Variants in DYM observed in about 807,000 individuals in gnomAD.
DYM encodes dymeclin.
DYM carries 78 observed loss-of-function variants against 93.1 expected under a neutral mutation model. The ratio of observed to expected loss-of-function variants is 0.84; its 90% CI spans 0.70 to 1.01. The LOEUF (loss-of-function observed/expected upper bound fraction) is 1.01, where lower values mean the gene tolerates loss of function less well. Ranked by LOEUF, DYM falls within the 50% of genes least tolerant of loss-of-function variation. The pLI, the probability that DYM is intolerant of heterozygous loss-of-function variation, is 0.00. For missense variants in DYM, 789 were observed against 845.0 expected (o/e 0.93, Z 0.82); for synonymous variants, 321 against 319.7 (o/e 1.00, Z -0.04).
chr18:49,379,742 T>C lies in DYM; in HGVS notation c.210A>G (p.Arg70=). 6.2e-7 allele frequency: 1 copy of C among 1,613,198 alleles called. No individual in the cohort carries two copies. Among genetic ancestry groups the C allele is most frequent in the Non-Finnish European group, 8.5e-7 (1 of 1,179,374 alleles). ...VCRSLVENNP[R]TGNLGALIKV... ...TAATTAGTGCACCAAGATTTCCTGT[T>C]CGAGGATTGTTTTCAACTGCAAGAG... Residue 70 remains arginine, a synonymous_variant, in exon 4 of 18, where the codon CGA becomes CGG. Coordinates refer to ENST00000675505, the MANE Select transcript of DYM (RefSeq NM_001353214.3).
intron 2 of DYM, among the ~76,000 whole-genome samples, chr18:49,399,928 A>ATTTTTTTTTTT (rs1258036704): frequency 1.1e-5 from 1 of 94,246 alleles, no homozygotes; most frequent in African/African-American, 4.0e-5. Flanking sequence ...ATTTATTTTT[A>ATTTTTTTTTTT]TTTTTCTTTT....
intron 8 of DYM, among the ~76,000 whole-genome samples, chr18:49,303,449 C>G (rs896745311): frequency 5.3e-5 from 8 of 152,156 alleles, no homozygotes; most frequent in African/African-American, 1.9e-4. Context: ...CTAGGGAACT[C>G]CAGGAGAGCT....
intron 8 of DYM, among the ~76,000 whole-genome samples, chr18:49,298,865 T>G (rs1325456561): frequency 6.6e-6 from 1 of 152,228 alleles, no homozygotes; most frequent in Non-Finnish European, 1.5e-5. Flanking sequence ...GAAACTTAGA[T>G]GACGCAGGTA....
At chr18:49,228,954 C>T (rs563890963) in intron 13 of DYM, among the ~76,000 whole-genome samples, 1 of 152,226 alleles carries the variant, frequency 6.6e-6, no homozygotes, top group Admixed American at 6.5e-5. Context: ...AGTTATTCAA[C>T]TGTTCCCTTT....
At chr18:49,196,874 A>G (rs1369562637) in intron 14 of DYM, among the ~76,000 whole-genome samples, 1 of 152,154 alleles carries the variant, frequency 6.6e-6, no homozygotes, top group Non-Finnish European at 1.5e-5. Context: ...ACTAGGTAGG[A>G]GTCCAGGTGT....
At chr18:49,221,380 A>G (rs1318766977) in intron 13 of DYM, among the ~76,000 whole-genome samples, 2 of 152,060 alleles carry the variant, frequency 1.3e-5, no homozygotes, top group Non-Finnish European at 2.9e-5. Flanking sequence ...TAGAAATACC[A>G]TTTGACCCAG....
chr18:49,148,119 C>G (rs754648047), intron 15 of DYM, among the ~76,000 whole-genome samples: 859 of 149,566 alleles, frequency 5.7e-3, no homozygotes, highest in African/African-American at 0.02. Flanking sequence ...CGCATGTTCT[C>G]ACTCACAGGT....
chr18:49,272,280 C>G lies in DYM; in HGVS notation c.1149G>C (p.Leu383=). The change falls in exon 11 of 18, where the codon CTG becomes CTC. Residue 383 remains leucine, a synonymous_variant. Coordinates refer to ENST00000675505, the MANE Select transcript of DYM (RefSeq NM_001353214.3). ...GTGAATTCCTTTCTTCAACATGATA[C>G]AGAATCTCAAGAATTGGTAAAACCT... The part of the protein sequence containing the change: ...ENLVLPILEI[L]YHVEERNSHH... 1.3e-6 allele frequency: 2 copies of G among 1,561,826 alleles called. No individual in the cohort carries two copies. Among genetic ancestry groups the G allele is most frequent in the East Asian group, 4.5e-5 (2 of 44,494 alleles).
chr18:49,239,637 A>C (rs2093965350), intron 13 of DYM, among the ~76,000 whole-genome samples: 1 of 152,210 alleles, frequency 6.6e-6, no homozygotes, highest in Non-Finnish European at 1.5e-5. Context: ...GCTTCATAGC[A>C]AGGTCACAAG....
intron 13 of DYM, among the ~76,000 whole-genome samples, chr18:49,254,920 A>C (rs1386274766): frequency 6.6e-6 from 1 of 152,342 alleles, no homozygotes; most frequent in East Asian, 1.9e-4. Flanking sequence ...GGCTCTTCAG[A>C]ATACCTGAAA....
At chr18:49,314,858 C>G (rs937920662) in intron 8 of DYM, among the ~76,000 whole-genome samples, 6 of 152,162 alleles carry the variant, frequency 3.9e-5, no homozygotes, top group African/African-American at 1.4e-4. Flanking sequence ...GCTCTTCATT[C>G]TCTTTTCTGT....
chr18:49,179,338 A>T (rs1031659766), intron 14 of DYM, among the ~76,000 whole-genome samples: 4 of 152,186 alleles, frequency 2.6e-5, no homozygotes, highest in African/African-American at 9.6e-5. Flanking sequence ...GTAAAGATCT[A>T]TTAGGCTTAA....
chr18:49,249,417 T>C (rs1029886933), intron 13 of DYM, among the ~76,000 whole-genome samples: 1 of 152,180 alleles, frequency 6.6e-6, no homozygotes, highest in Admixed American at 6.5e-5. Context: ...TCCCAACAAA[T>C]AGGTCAATTT....
chr18:49,280,718 C>A (rs1753243084), intron 10 of DYM, among the ~76,000 whole-genome samples: 1 of 152,220 alleles, frequency 6.6e-6, no homozygotes. Context: ...GTGACATCTC[C>A]CTATCAATTC....
chr18:49,313,735 G>T (rs1405020138), intron 8 of DYM, among the ~76,000 whole-genome samples: 1 of 151,968 alleles, frequency 6.6e-6, no homozygotes, highest in Admixed American at 6.6e-5. Flanking sequence ...TCTTTCTTGT[G>T]CAAAATCCAA....
chr18:49,118,598 C>A, intron 16 of DYM, 146 bp downstream of exon 16: 2 of 762,578 alleles, frequency 2.6e-6, no homozygotes, highest in Non-Finnish European at 4.4e-6. Context: ...CAGATTACCA[C>A]AACTATTATA....
At chr18:49,350,157 C>T (rs1435700905) in intron 6 of DYM, among the ~76,000 whole-genome samples, 1 of 152,110 alleles carries the variant, frequency 6.6e-6, no homozygotes, top group Non-Finnish European at 1.5e-5. Context: ...CTCTAAAATA[C>T]ATATGATGGC....
intron 3 of DYM, among the ~76,000 whole-genome samples, chr18:49,384,202 G>A (rs2068334876): frequency 6.6e-6 from 1 of 150,940 alleles, no homozygotes; most frequent in East Asian, 2.0e-4. Flanking sequence ...GCATGCCTAT[G>A]GTCCCAGCTA....
chr18:49,352,520 C>T (rs1397481047), intron 6 of DYM, among the ~76,000 whole-genome samples: 1 of 151,968 alleles, frequency 6.6e-6, no homozygotes, highest in Admixed American at 6.6e-5. Context: ...TTGCCAGGGA[C>T]GAGGAGTTGG....
Sources: allele counts gnomAD v4.1 joint callset (sites outside exome capture counted in the v4.1 genomes callset), GRCh38; gene constraint gnomAD v4.1.1; transcripts MANE v1.5; gene names NCBI Gene and HGNC (gene_info 2026-07-23, HGNC 2026-07-21).